CLCA2: variants seen among roughly 807,000 people sequenced by gnomAD.
CLCA2 encodes the protein chloride channel accessory 2.
CLCA2 carries 85 observed loss-of-function variants against 82.9 expected under a neutral mutation model. The observed-to-expected ratio is 1.03, with a 90% confidence interval of 0.86 to 1.23. The LOEUF (loss-of-function observed/expected upper bound fraction) is 1.23. CLCA2 is among the 50% of genes most tolerant of loss of function. The pLI is 0.00. For missense variants in CLCA2, 1,089 were observed against 1,124.8 expected (o/e 0.97, Z 0.45); for synonymous variants, 421 against 391.7 (o/e 1.07, Z -0.88).
At chr1:86,427,873 T>G (rs1449152870) in intron 2 of CLCA2, among the ~76,000 whole-genome samples, 1 of 152,148 alleles carries the variant, frequency 6.6e-6, no homozygotes, top group Non-Finnish European at 1.5e-5. Context: ...GGAATGATCG[T>G]TTTGCTGATC....
chr1:86,429,995 G>A (rs1662461966), intron 3 of CLCA2, among the ~76,000 whole-genome samples: 1 of 152,020 alleles, frequency 6.6e-6, no homozygotes, highest in African/African-American at 2.4e-5. Context: ...CTCACAGCTT[G>A]GACTGCTACC....
In CLCA2 at chr1:86,447,683, A is replaced by G. The variant is rs773323939; in HGVS notation, c.1889A>G (p.Gln630Arg). Residue 630 changes from glutamine to arginine, a missense_variant, in exon 11 of 14, where the codon CAG (glutamine) becomes CGG (arginine). Gln to Arg is a conservative substitution (Grantham distance 43). Transcript: ENST00000370565. ...HPVMIYANVKQGFYPILNATV... is the reference protein window; with the variant it reads ...HPVMIYANVKRGFYPILNATV... ...GTGATGATTTATGCCAATGTGAAACAGGGATTTTATCCCATTCTTAATGCC... is the reference window on the plus strand; with the variant it reads ...GTGATGATTTATGCCAATGTGAAACGGGGATTTTATCCCATTCTTAATGCC... The G allele has an allele frequency of 1.2e-6, 2 of 1,614,178 alleles. No individual in the cohort carries two copies. The highest frequency in any genetic ancestry group is 2.2e-5 in the South Asian group (2 of 91,088).
In CLCA2 at chr1:86,443,864, C is replaced by T. The variant is rs775833883; in HGVS notation, c.1566C>T (p.Asn522=). Residue 522 remains asparagine (N), a synonymous_variant, in exon 10 of 14, where the codon AAC becomes AAT. Coordinates refer to ENST00000370565, the MANE Select transcript of CLCA2 (RefSeq NM_006536.7). ...TGACTGTGGATAATACTGTGGGCAACGACACTATGTTTCTAGTTACGTGGC... is the reference window on the plus strand; with the variant it reads ...TGACTGTGGATAATACTGTGGGCAATGACACTATGTTTCTAGTTACGTGGC... ...NTVTVDNTVG[N]DTMFLVTWQA... 100 of 1,613,888 alleles carry T rather than the reference C, an allele frequency of 6.2e-5. No homozygotes were observed. The highest frequency in any genetic ancestry group is 9.9e-5 in the South Asian group (9 of 91,086).
intron 5 of CLCA2, 128 bp downstream of exon 5, chr1:86,432,656 GT>G: frequency 9.3e-7 from 1 of 1,073,238 alleles, no homozygotes; most frequent in Non-Finnish European, 1.3e-6. Flanking sequence ...AGTTCATCTA[GT>G]TTTTATCTAC....
chr1:86,438,741 C>T, intron 6 of CLCA2, 135 bp from the exon 7 acceptor site: 1 of 693,462 alleles, frequency 1.4e-6, no homozygotes, highest in South Asian at 1.9e-5. Flanking sequence ...TATTATGTTA[C>T]TCTTTAAAGC....
At chr1:86,430,224 T>G (rs1235538146) in intron 3 of CLCA2, among the ~76,000 whole-genome samples, 1 of 152,096 alleles carries the variant, frequency 6.6e-6, no homozygotes, top group Non-Finnish European at 1.5e-5. Context: ...CTAAAGGATC[T>G]CATGCAGAGG....
intron 3 of CLCA2, among the ~76,000 whole-genome samples, 174 bp from the exon 4 acceptor site, chr1:86,430,688 A>G (rs1483252179): frequency 6.6e-6 from 1 of 152,210 alleles, no homozygotes; most frequent in African/African-American, 2.4e-5. Context: ...GTGGTGGAGT[A>G]GGAGGAGATG....
chr1:86,440,657 T>C (rs1662711412), intron 8 of CLCA2, among the ~76,000 whole-genome samples: 1 of 152,140 alleles, frequency 6.6e-6, no homozygotes, highest in South Asian at 2.1e-4. Flanking sequence ...TCCCAGCACA[T>C]TGGGAGGCTG....
Position 86,431,087 on chromosome 1 carries a change from T to C in CLCA2, c.584+117T>C, listed in dbSNP as rs1469362752. The C allele has an allele frequency of 6.0e-6, 4 of 666,302 alleles. No homozygotes were observed. In the Admixed American group the frequency reaches 9.4e-5, roughly 16 times the overall value. 41.3% of individuals were successfully genotyped at this position (666,302 alleles called of 1,614,324 possible). Reference sequence around the variant, plus strand: ...AATTAATTTAATTGCAGCTAAAACTTAGCTGATAAGAAAGAGATCCTTTCA... The same window carrying C: ...AATTAATTTAATTGCAGCTAAAACTCAGCTGATAAGAAAGAGATCCTTTCA... On this transcript the variant is annotated intron_variant, in intron 4 of 13. Transcript: ENST00000370565.
At position 86,447,614 on chromosome 1, in the gene CLCA2, T is replaced by C. The variant is rs757844592; in HGVS notation, c.1820T>C (p.Val607Ala). The stretch of plus-strand genomic sequence containing the variant: ...AACTCAGCTGTGCCCCCAGCCACTG[T>C]GGAAGCCTTTGTGGAAAGAGACAGC... The part of the protein sequence containing the change: ...ASNSAVPPAT[V>A]EAFVERDSLH... Residue 607 changes from valine (V) to alanine (A), a missense_variant, in exon 11 of 14, where the codon GTG becomes GCG. Val to Ala is a moderately conservative substitution (Grantham distance 64). Transcript: ENST00000370565. The C allele has an allele frequency of 1.2e-6, 2 of 1,614,156 alleles. No individual in the cohort carries two copies. The highest frequency in any genetic ancestry group is 1.1e-5 in the South Asian group (1 of 91,076).
In CLCA2 at chr1:86,452,168, C is replaced by T. The variant is rs150102787; in HGVS notation, c.2156-1201C>T. ...CCTCCCAGCTTGCTCATTTTAGAAA[C>T]CTGGAAGCTTTTTTTTTTTTTTTTT... On this transcript the variant is annotated intron_variant, in intron 12 of 13. Coordinates refer to ENST00000370565, the MANE Select transcript of CLCA2 (RefSeq NM_006536.7). Among the ~76,000 whole-genome samples, 460 of 136,068 alleles carry T rather than the reference C, an allele frequency of 3.4e-3. 1 individual carries two copies. Among genetic ancestry groups the T allele is most frequent in the Non-Finnish European group, 5.8e-3 (374 of 64,342 alleles). 89.3% of individuals were successfully genotyped at this position (136,068 alleles called of 152,430 possible). A position where few individuals can be genotyped will look rare whatever the true frequency, so the allele number is the denominator to read the frequency against.
chr1:86,424,367 T>A lies in CLCA2; in HGVS notation c.120T>A (p.Tyr40Ter). 3.7e-6 allele frequency: 6 copies of A among 1,613,876 alleles called. No individual in the cohort carries two copies. The highest frequency in any genetic ancestry group is 5.1e-6 in the Non-Finnish European group (6 of 1,179,872). Residue 40 changes from tyrosine to a stop codon, truncating the protein, a stop_gained, in exon 1 of 14, where the codon TAT becomes TAA. Transcript: ENST00000370565. LOFTEE classifies it high-confidence loss of function. ...GAGVQLQDNG[Y>*]NGLLIAINPQ... ...GAGTACAGCTTCAAGACAATGGGTA[T>A]AATGGATTGCTCATTGCAATTAATC...
intron 11 of CLCA2, among the ~76,000 whole-genome samples, chr1:86,449,028 T>C (rs1024155027): frequency 1.7e-4 from 26 of 152,214 alleles, no homozygotes; most frequent in Admixed American, 1.4e-3. Flanking sequence ...TATCTAAATG[T>C]ATGCACTAAA....
intron 3 of CLCA2, 54 bp downstream of exon 3, chr1:86,428,622 T>C (rs1289500247): frequency 6.4e-7 from 1 of 1,568,144 alleles, no homozygotes; most frequent in African/African-American, 1.4e-5. Context: ...TATAATATTC[T>C]GTGCTTGGTG....
At chr1:86,449,374 A>C (rs999178445) in intron 11 of CLCA2, among the ~76,000 whole-genome samples, 4 of 152,196 alleles carry the variant, frequency 2.6e-5, no homozygotes, top group African/African-American at 9.6e-5. Flanking sequence ...TCTGTCTCCC[A>C]AGCCAATGTT....
intron 12 of CLCA2, 42 bp downstream of exon 12, chr1:86,450,775 T>A (rs2101711769): frequency 6.6e-7 from 1 of 1,517,070 alleles, no homozygotes; most frequent in Non-Finnish European, 8.9e-7. Flanking sequence ...CATCATTTCA[T>A]GTACATATCT....
intron 2 of CLCA2, among the ~76,000 whole-genome samples, chr1:86,426,239 G>A (rs998448109): frequency 7.2e-5 from 11 of 152,156 alleles, no homozygotes; most frequent in African/African-American, 1.2e-4. Flanking sequence ...CAGAAGTAGA[G>A]GCATTGGCAA....
chr1:86,430,363 C>T (rs1276368076), intron 3 of CLCA2, among the ~76,000 whole-genome samples: 1 of 152,148 alleles, frequency 6.6e-6, no homozygotes, highest in African/African-American at 2.4e-5. Flanking sequence ...CTCCTTCCTC[C>T]TTCCCTAGCT....
At chr1:86,431,477 T>C (rs372963432) in intron 4 of CLCA2, among the ~76,000 whole-genome samples, 8 of 152,328 alleles carry the variant, frequency 5.3e-5, no homozygotes, top group African/African-American at 1.7e-4. Context: ...ATTACACATG[T>C]GTCATTTCTC....
Sources: allele counts gnomAD v4.1 joint callset (sites outside exome capture counted in the v4.1 genomes callset), GRCh38; gene constraint gnomAD v4.1.1; transcripts MANE v1.5; gene names NCBI Gene and HGNC (gene_info 2026-07-23, HGNC 2026-07-21).